Variants in MEI1 observed in about 807,000 individuals in gnomAD.
MEI1 encodes meiosis inhibitor protein 1.
A neutral mutation model predicts 146.2 loss-of-function variants in MEI1; 103 were observed. That is an observed-to-expected ratio of 0.70 (90% confidence interval 0.60 to 0.83). The LOEUF (loss-of-function observed/expected upper bound fraction) is 0.83. Among genes scored for constraint, MEI1 ranks in the 40% least tolerant of loss-of-function variants. The pLI is 0.00. For missense variants in MEI1, 1,529 were observed against 1,533.0 expected (o/e 1.00, Z 0.04); for synonymous variants, 652 against 628.2 (o/e 1.04, Z -0.57).
At position 41,714,201 on chromosome 22, in the gene MEI1, T is replaced by C. The variant is rs1444074258; in HGVS notation, c.423+126T>C. 4 of 853,860 alleles carry C rather than the reference T, an allele frequency of 4.7e-6. 1 individual carries two copies. In the Admixed American group the frequency reaches 8.9e-5, roughly 19 times the overall value. The allele number at this position is 853,860 out of a possible 1,614,324, so 52.9% of individuals were successfully genotyped here. A position where few individuals can be genotyped will look rare whatever the true frequency, so the allele number is the denominator to read the frequency against. On this transcript the variant is annotated intron_variant, in intron 4 of 30. Coordinates refer to ENST00000401548, the MANE Select transcript of MEI1 (RefSeq NM_152513.4). ...AAGGAGCTTTCCTGAGGTCACTGAG[T>C]TGGTGGCAGAGTCAGAGCTAAGGCC...
intron 21 of MEI1, among the ~76,000 whole-genome samples, 163 bp downstream of exon 21, chr22:41,776,430 A>T (rs2075439765): frequency 1.3e-5 from 2 of 152,368 alleles, no homozygotes; most frequent in South Asian, 4.1e-4. Flanking sequence ...CCTTTCTCTC[A>T]CTGCAGAGTG....
chr22:41,752,357 A>G, intron 15 of MEI1: 1 of 522,804 alleles, frequency 1.9e-6, no homozygotes, highest in Non-Finnish European at 3.5e-6. Context: ...GATGTTCTCC[A>G]TACATTTATC....
At position 41,748,146 on chromosome 22, in the gene MEI1, G is replaced by T. The variant is rs2073472612; in HGVS notation, c.1720G>T (p.Val574Phe). ...EQTTHPALME[V>F]FLSILHNLFV... ...GACCACCCACCCAGCTTTGATGGAA[G>T]TTTTCCTCTCAATTCTACATAACCT... The change falls in exon 15 of 31, where the codon GTT becomes TTT. Residue 574 changes from valine (V) to phenylalanine (F), a missense_variant. By Grantham distance (50) the Val-to-Phe change is conservative (BLOSUM62 -1). This residue lies in a region of MEI1 where 1,212 missense variants were observed against 1,178.9 expected (regional missense o/e 1.03). Coordinates refer to ENST00000401548, the MANE Select transcript of MEI1 (RefSeq NM_152513.4). 1 of 1,613,984 alleles carries T rather than the reference G, an allele frequency of 6.2e-7. No homozygotes were observed.
intron 26 of MEI1, among the ~76,000 whole-genome samples, chr22:41,785,871 ATTTT>A (rs1372248736): frequency 8.2e-6 from 1 of 121,484 alleles, no homozygotes; most frequent in East Asian, 7.7e-4. Flanking sequence ...GCCTATTTTT[ATTTT>A]TTTATTTTTT....
intron 30 of MEI1, among the ~76,000 whole-genome samples, chr22:41,798,819 G>A (rs1205142543): frequency 2.6e-5 from 4 of 151,220 alleles, no homozygotes; most frequent in Non-Finnish European, 2.9e-5. Context: ...AGTGACCAGA[G>A]AGCCGAGATT....
intron 11 of MEI1, among the ~76,000 whole-genome samples, chr22:41,739,087 G>C (rs1271782028): frequency 6.6e-6 from 1 of 150,528 alleles, no homozygotes; most frequent in Admixed American, 6.6e-5. Context: ...CTGAGGTCAG[G>C]AGTTCAAGAC....
At chr22:41,704,829 C>A (rs2068964073) in intron 2 of MEI1, among the ~76,000 whole-genome samples, 1 of 152,192 alleles carries the variant, frequency 6.6e-6, no homozygotes, top group South Asian at 2.1e-4. Flanking sequence ...ATTCTCCTGA[C>A]TCAGCTTCCC....
intron 3 of MEI1, among the ~76,000 whole-genome samples, chr22:41,707,898 G>C (rs1308704921): frequency 6.6e-6 from 1 of 152,206 alleles, no homozygotes; most frequent in Non-Finnish European, 1.5e-5. Context: ...GTGGGTTCTG[G>C]AGCTCAAAGA....
At chr22:41,755,888 GC>G (rs2074061377) in intron 17 of MEI1, among the ~76,000 whole-genome samples, 2 of 151,946 alleles carry the variant, frequency 1.3e-5, no homozygotes, top group Non-Finnish European at 2.9e-5. Flanking sequence ...CCCTCTGCTT[GC>G]CCAGGACTTG....
At position 41,795,623 on chromosome 22, in the gene MEI1, G is replaced by A. The variant is rs925521643; in HGVS notation, c.3666+81G>A. 10 of 1,599,558 alleles carry A rather than the reference G, an allele frequency of 6.3e-6. No individual in the cohort carries two copies. The African/African-American group carries it at 1.3e-4, about 21-fold the overall frequency. ...CTTCTCTTGGAGGGTGGGAGCTCTG[G>A]CCACAGCAACCAAGGAATGGGAGGA... On this transcript the variant is annotated intron_variant, in intron 29 of 30. Coordinates refer to ENST00000401548, the MANE Select transcript of MEI1 (RefSeq NM_152513.4). The surrounding 1 kb of genome is among the most constrained non-coding windows in gnomAD (Gnocchi z 4.2).
chr22:41,705,054 C>G (rs1406916341), intron 2 of MEI1, among the ~76,000 whole-genome samples: 1 of 152,016 alleles, frequency 6.6e-6, no homozygotes, highest in East Asian at 1.9e-4. Context: ...CATCGAAAGT[C>G]AAAGTATTTG....
chr22:41,752,761 T>A (rs2147864041), intron 16 of MEI1, 110 bp downstream of exon 16: 1 of 931,322 alleles, frequency 1.1e-6, no homozygotes, highest in Middle Eastern at 2.5e-4. Context: ...CATGGTGGTG[T>A]TGACATAGTG....
In MEI1 at chr22:41,748,068, G is replaced by A. The variant is rs1569241600; in HGVS notation, c.1681-39G>A. The A allele has an allele frequency of 4.9e-6, 7 of 1,416,618 alleles. 1 individual carries two copies. The East Asian group carries it at 1.6e-4, about 32-fold the overall frequency. 87.8% of individuals were successfully genotyped at this position (1,416,618 alleles called of 1,614,324 possible). ...CTGATGCCTTTTCTTCAGAGGCTCA[G>A]TCCCCGTGGGCTGTGTTCTCTCTCC... On this transcript the variant is annotated intron_variant, in intron 14 of 30. Coordinates refer to ENST00000401548, the MANE Select transcript of MEI1 (RefSeq NM_152513.4).
intron 6 of MEI1, among the ~76,000 whole-genome samples, chr22:41,719,755 C>T (rs901517791): frequency 1.3e-5 from 2 of 152,194 alleles, no homozygotes; most frequent in Non-Finnish European, 2.9e-5. Context: ...TTAACGTCCT[C>T]TCCTGCTATT....
intron 22 of MEI1, among the ~76,000 whole-genome samples, chr22:41,780,581 CTTTT>C (rs1245310767): frequency 3.0e-5 from 4 of 134,292 alleles, no homozygotes; most frequent in Non-Finnish European, 3.2e-5. Context: ...TTTTTCTTTT[CTTTT>C]TTTTTTTTTT....
intron 4 of MEI1, among the ~76,000 whole-genome samples, chr22:41,714,369 A>G (rs377378431): frequency 1.4e-4 from 22 of 152,220 alleles, no homozygotes; most frequent in East Asian, 1.2e-3. Context: ...TCCTAATTAT[A>G]ATACAGATTT....
intron 15 of MEI1, among the ~76,000 whole-genome samples, chr22:41,751,473 G>A (rs1191901413): frequency 6.6e-6 from 1 of 152,128 alleles, no homozygotes; most frequent in Non-Finnish European, 1.5e-5. Flanking sequence ...CTGGGCCAGG[G>A]TCAACAGCTA....
intron 14 of MEI1, among the ~76,000 whole-genome samples, chr22:41,746,686 TGAGCCTGTGAG>T (rs2073313173): frequency 6.6e-6 from 1 of 152,174 alleles, no homozygotes; most frequent in Non-Finnish European, 1.5e-5. Context: ...GGGCATCCTA[TGAGCCTGTGAG>T]GAGTCCCTGT....
chr22:41,795,638 G>C lies in MEI1; in HGVS notation c.3666+96G>C. On this transcript the variant is annotated intron_variant, in intron 29 of 30. Coordinates refer to ENST00000401548, the MANE Select transcript of MEI1 (RefSeq NM_152513.4). The surrounding 1 kb of genome is among the most constrained non-coding windows in gnomAD (Gnocchi z 4.2). ...GGGAGCTCTGGCCACAGCAACCAAG[G>C]AATGGGAGGAGGGAAGTACAGAGGA... is the stretch of plus-strand genomic sequence containing the variant. 8.8e-6 allele frequency: 14 copies of C among 1,592,786 alleles called. No individual in the cohort carries two copies. The South Asian group carries it at 1.6e-4, about 18-fold the overall frequency.
Sources: gnomAD v4.1 joint callset for allele counts (sites outside exome capture counted in the v4.1 genomes callset) on GRCh38, gnomAD v4.1.1 for gene constraint, gnomAD v4.1.1 regional missense constraint, Gnocchi (gnomAD v3.1) non-coding constraint, MANE v1.5 for transcripts, NCBI Gene and HGNC (gene_info 2026-07-23, HGNC 2026-07-21) for gene names.